PRICKLE3: variants seen among roughly 807,000 people sequenced by gnomAD.
PRICKLE3 encodes the protein prickle planar cell polarity protein 3.
PRICKLE3 carries 17 observed loss-of-function variants against 33.8 expected under a neutral mutation model. The ratio of observed to expected loss-of-function variants is 0.50; its 90% CI spans 0.34 to 0.75. The LOEUF (loss-of-function observed/expected upper bound fraction) is 0.75. Among genes scored for constraint, PRICKLE3 ranks in the 30% least tolerant of loss-of-function variants. The pLI is 0.01. For missense variants in PRICKLE3, 573 were observed against 576.7 expected, an observed-to-expected ratio of 0.99 and a Z score of 0.07; for synonymous variants, 211 against 219.6, an observed-to-expected ratio of 0.96 and a Z score of 0.34.
At chrX:49,184,353 T>A (rs192035773) in intron 2 of PRICKLE3, among the ~76,000 whole-genome samples, 1,488 of 108,720 alleles carry the variant, frequency 0.014, 19 homozygotes, top group Non-Finnish European at 0.022. Context: ...CGCTCAGAGT[T>A]AGAGACGAAG....
In PRICKLE3 at chrX:49,176,307, C is replaced by T. The variant is rs782753707; in HGVS notation, c.1256-42G>A. ...AGAGTGACTCCTTGTATCTGCCCTC[C>T]CACTGGCCCCCTCCTAAGAGGAGGC... On this transcript the variant is annotated intron_variant, in intron 8 of 8. Transcript: ENST00000599218. 4.5e-5 allele frequency: 45 copies of T among 1,001,591 alleles called. No individual in the cohort carries two copies. The South Asian group carries it at 9.3e-4, about 21-fold the overall frequency. 82.5% of individuals were successfully genotyped at this position (1,001,591 alleles called of 1,213,427 possible). A position where few individuals can be genotyped will look rare whatever the true frequency, so the allele number is the denominator to read the frequency against.
intron 2 of PRICKLE3, 115 bp from the exon 3 acceptor site, chrX:49,184,032 G>T: frequency 1.1e-6 from 1 of 951,073 alleles, no homozygotes; most frequent in Non-Finnish European, 1.4e-6. Context: ...AAAGGTCTGT[G>T]AGCAGGGACA....
chrX:49,177,562 G>T (rs1182902530), intron 7 of PRICKLE3, among the ~76,000 whole-genome samples: 1 of 112,044 alleles, frequency 8.9e-6, no homozygotes, highest in Non-Finnish European at 1.9e-5. Flanking sequence ...TGGCTGGTGG[G>T]GGCAGGGCTT....
Position 49,175,698 on chromosome X carries a change from C to G in PRICKLE3, c.1823G>C (p.Arg608Pro). 8.3e-7 allele frequency: 1 copy of G among 1,210,767 alleles called. No homozygotes were observed. The change falls in exon 9 of 9, where the codon CGA becomes CCA. Residue 608 changes from arginine (R) to proline (P), a missense_variant. Transcript: ENST00000599218. ...TCAAGCCACGATGCAGTTCTTGTCTCGGGCCTGACGAGGCATCCCTGCGCG... is the reference window on the plus strand; with the variant it reads ...TCAAGCCACGATGCAGTTCTTGTCTGGGGCCTGACGAGGCATCCCTGCGCG... ...DSRAGMPRQA[R>P]DKNCIVA
At chrX:49,179,523 C>G in intron 4 of PRICKLE3, 135 bp from the exon 5 acceptor site, 1 of 995,798 alleles carries the variant, frequency 1.0e-6, no homozygotes, top group Non-Finnish European at 1.4e-6. Flanking sequence ...GTAACCACCT[C>G]TTCTTCCAAG....
intron 1 of PRICKLE3, chrX:49,184,980 G>T: frequency 1.1e-6 from 1 of 919,525 alleles, no homozygotes; most frequent in Non-Finnish European, 1.4e-6. Context: ...CTCCCCGTCC[G>T]CCCCTAGCCT....
Position 49,177,150 on chromosome X carries a change from G to T in PRICKLE3, c.1008C>A (p.Asp336Glu). Residue 336 changes from aspartate (D) to glutamate (E), a missense_variant, in exon 8 of 9, where the codon GAC (aspartate) becomes GAA (glutamate). Transcript: ENST00000599218. ...AYEGQHWHAS[D>E]RCFCCSRCGR... ...CACAGCGACTACAGCAGAAGCAGCG[G>T]TCTGAGGCATGCCAGTGCTGGCCCT... 1 of 1,197,917 alleles carries T rather than the reference G, an allele frequency of 8.3e-7. No individual in the cohort carries two copies.
chrX:49,183,519 G>T, intron 3 of PRICKLE3: 1 of 763,985 alleles, frequency 1.3e-6, no homozygotes, highest in Non-Finnish European at 1.9e-6. Context: ...TAATAGGATT[G>T]GGGTGAACAG....
At chrX:49,179,138 T>G in intron 5 of PRICKLE3, 113 bp downstream of exon 5, 1 of 992,032 alleles carries the variant, frequency 1.0e-6, no homozygotes, top group Non-Finnish European at 1.3e-6. Context: ...TAGAGACACC[T>G]CACTGGGGCT....
chrX:49,179,552 C>T, intron 4 of PRICKLE3, 141 bp downstream of exon 4: 1 of 916,311 alleles, frequency 1.1e-6, no homozygotes, highest in East Asian at 3.4e-5. Flanking sequence ...GTGGTTTTGC[C>T]AAGGAATGTC....
At chrX:49,185,001 C>T in intron 1 of PRICKLE3, 1 of 741,872 alleles carries the variant, frequency 1.3e-6, no homozygotes, top group Non-Finnish European at 1.8e-6. Flanking sequence ...CAGACACCTC[C>T]CACCAGCCTT....
chrX:49,181,564 C>CATATAT (rs2065452862), intron 3 of PRICKLE3, among the ~76,000 whole-genome samples: 2 of 744 alleles, frequency 2.7e-3, no homozygotes, highest in African/African-American at 4.0e-3. Context: ...TATATATACA[C>CATATAT]GTATATATAC....
chrX:49,184,759 G>C (rs1557101673), intron 1 of PRICKLE3, 49 bp from the exon 2 acceptor site: 1 of 1,161,489 alleles, frequency 8.6e-7, no homozygotes, highest in East Asian at 3.3e-5. Context: ...GCGGAAGCAG[G>C]GAAGGAGAAG....
rs782154995 is a variant in PRICKLE3 at position 49,177,091 on chromosome X, C to A, written c.1067G>T (p.Arg356Leu). The A allele has an allele frequency of 3.3e-6, 4 of 1,202,338 alleles. No homozygotes were observed. The South Asian group carries it at 5.4e-5, about 16-fold the overall frequency. The change falls in exon 8 of 9, where the codon CGC becomes CTC. Residue 356 changes from arginine to leucine, a missense_variant. Transcript: ENST00000599218. ...TCGAGAGCAGAAGATTAGGCCTCGG[C>A]GTGGCAGGAATGGGCGGCCCAGCAG... ...RALLGRPFLP[R>L]RGLIFCSRAC...
At chrX:49,182,247 T>TTCTG (rs1193959760) in intron 3 of PRICKLE3, among the ~76,000 whole-genome samples, 9 of 111,026 alleles carry the variant, frequency 8.1e-5, no homozygotes, top group South Asian at 7.6e-4. Context: ...ATGCCGGCCT[T>TTCTG]TCTGTCTGTC....
chrX:49,183,535 G>A (rs782031146), intron 3 of PRICKLE3, 199 bp downstream of exon 3: 66 of 905,836 alleles, frequency 7.3e-5, no homozygotes, highest in Non-Finnish European at 9.3e-5. Flanking sequence ...AACAGGCCCT[G>A]AGGAACTGGT....
chrX:49,178,204 C>T, intron 6 of PRICKLE3, 25 bp from the exon 7 acceptor site: 1 of 1,197,107 alleles, frequency 8.4e-7, no homozygotes, highest in South Asian at 1.8e-5. Context: ...CCATCTGTGG[C>T]TGTCAGATGA....
At position 49,178,081 on chromosome X, in the gene PRICKLE3, G is replaced by A. The variant is rs1557100414; in HGVS notation, c.867C>T (p.Arg289=). Residue 289 remains arginine (R), a synonymous_variant, in exon 7 of 9, where the codon CGC becomes CGT. Coordinates refer to ENST00000599218, the MANE Select transcript of PRICKLE3 (RefSeq NM_006150.5). ...GGGGGCGGCTCTGACGCATGACATAGCGCTGCCCTCCTAGTGAAGCTTCAC... is the reference window on the plus strand; with the variant it reads ...GGGGGCGGCTCTGACGCATGACATAACGCTGCCCTCCTAGTGAAGCTTCAC... ...FECEASLGGQ[R]YVMRQSRPHC... The A allele has an allele frequency of 4.2e-6, 5 of 1,180,391 alleles. No individual in the cohort carries two copies. The highest frequency in any genetic ancestry group is 1.7e-5 in the African/African-American group (1 of 57,325).
chrX:49,181,986 G>A (rs1486759770), intron 3 of PRICKLE3, among the ~76,000 whole-genome samples: 2 of 105,642 alleles, frequency 1.9e-5, no homozygotes, highest in Non-Finnish European at 3.9e-5. Context: ...TTGCTCTGTC[G>A]CCCAGGCTGG....
Sources: gnomAD v4.1 joint callset for allele counts (sites outside exome capture counted in the v4.1 genomes callset) on GRCh38, gnomAD v4.1.1 for gene constraint, MANE v1.5 for transcripts, NCBI Gene and HGNC (gene_info 2026-07-23, HGNC 2026-07-21) for gene names.